NYAP1: variants seen among roughly 807,000 people sequenced by gnomAD.
NYAP1 encodes neuronal tyrosine-phosphorylated phosphoinositide-3-kinase adapter 1.
NYAP1 carries 20 observed loss-of-function variants against 58.6 expected under a neutral mutation model. That is an observed-to-expected ratio of 0.34 (90% confidence interval 0.24 to 0.50). The LOEUF is 0.50. NYAP1 is among the 20% of genes least tolerant of loss of function. NYAP1 has a pLI of 0.98. For synonymous variants in NYAP1, 572 were observed against 523.1 expected, an observed-to-expected ratio of 1.09 and a Z score of -1.27; for missense variants, 1,150 against 1,194.5, an observed-to-expected ratio of 0.96 and a Z score of 0.55.
chr7:100,491,207 C>G (rs1208461917), intron 6 of NYAP1, 112 bp downstream of exon 6: 1 of 709,534 alleles, frequency 1.4e-6, no homozygotes, highest in Non-Finnish European at 2.3e-6. Flanking sequence ...TGCCTGTAAT[C>G]CCAGCACTTT....
At position 100,489,570 on chromosome 7, in the gene NYAP1, G is replaced by A. The variant is rs1224795948; in HGVS notation, c.1849G>A (p.Glu617Lys). 6.2e-7 allele frequency: 1 copy of A among 1,613,298 alleles called. No individual in the cohort carries two copies. The highest frequency in any genetic ancestry group is 2.2e-5 in the East Asian group (1 of 44,872). The change falls in exon 4 of 7, where the codon GAG becomes AAG. Residue 617 changes from glutamate (E) to lysine (K), a missense_variant. Physicochemically the swap from Glu to Lys is moderately conservative, Grantham distance 56 (BLOSUM62 1). Coordinates refer to ENST00000300179, the MANE Select transcript of NYAP1 (RefSeq NM_173564.4). ...CATCGCCAGCGCAGGGACACCAGAG[G>A]AGGAAGAAGAGGAGGTGGGCGCCGC... is the stretch of plus-strand genomic sequence containing the variant. ...HVIASAGTPEEEEEEVGAATF... is the reference protein window; with the variant it reads ...HVIASAGTPEKEEEEVGAATF...
At position 100,484,512 on chromosome 7, in the gene NYAP1, G is replaced by A. The variant is rs561537222; in HGVS notation, c.-85+511G>A. On this transcript the variant is annotated intron_variant, in intron 1 of 6. Coordinates refer to ENST00000300179, the MANE Select transcript of NYAP1 (RefSeq NM_173564.4). ...GGGTGGACCAAGGCCCAGGCCCGGG[G>A]AAGGACTGGAAGTGGGGGAAGGCAG... Among the ~76,000 whole-genome samples, 3 of 152,260 alleles carry A rather than the reference G, an allele frequency of 2.0e-5. No individual in the cohort carries two copies. The South Asian group carries it at 6.2e-4, about 32-fold the overall frequency.
Position 100,493,938 on chromosome 7 carries a change from G to T in NYAP1, c.*35G>T, listed in dbSNP as rs914428858. The T allele has an allele frequency of 3.6e-6, 5 of 1,396,652 alleles. No homozygotes were observed. The highest frequency in any genetic ancestry group is 4.6e-6 in the Non-Finnish European group (5 of 1,076,512). The allele number at this position is 1,396,652 out of a possible 1,614,324, so 86.5% of individuals were successfully genotyped here. The stretch of plus-strand genomic sequence containing the variant: ...GGGGGTACCGGGGCGCCTGGACTGG[G>T]GAGGGGGCGGGCACGCCTGGCTCTC... On this transcript the variant is annotated 3_prime_UTR_variant, in exon 7 of 7. Transcript: ENST00000300179.
intron 6 of NYAP1, among the ~76,000 whole-genome samples, chr7:100,492,483 G>C (rs867339567): frequency 2.2e-4 from 34 of 152,310 alleles, no homozygotes; most frequent in African/African-American, 8.2e-4. Flanking sequence ...TGCAATCCCA[G>C]AACTGTGGGA....
At chr7:100,489,705 TG>T in intron 4 of NYAP1, 39 bp downstream of exon 4, 1 of 124,526 alleles carries the variant, frequency 8.0e-6, no homozygotes. Flanking sequence ...GCATCAGGGG[TG>T]GGGGGCAGCT....
At position 100,489,269 on chromosome 7, in the gene NYAP1, G is replaced by A. The variant is rs1255799374; in HGVS notation, c.1548G>A (p.Gly516=). ...CAGGGAAGACCAGCCCCCACGGTGG[G>A]GCCATGGGCGCAGCAGCTGGGGTCC... ...PVPGKTSPHG[G]AMGAAAGVLH... is the part of the protein sequence containing the mutation. The change falls in exon 4 of 7, where the codon GGG becomes GGA. Residue 516 remains glycine (G), a synonymous_variant. Coordinates refer to ENST00000300179, the MANE Select transcript of NYAP1 (RefSeq NM_173564.4). The A allele has an allele frequency of 6.2e-7, 1 of 1,601,078 alleles. No individual in the cohort carries two copies. Among genetic ancestry groups the A allele is most frequent in the East Asian group, 2.3e-5 (1 of 44,314 alleles).
intron 6 of NYAP1, 118 bp from the exon 7 acceptor site, chr7:100,493,528 G>A (rs1584362115): frequency 1.1e-6 from 1 of 923,788 alleles, no homozygotes; most frequent in Non-Finnish European, 1.6e-6. Context: ...GCCGTTGGGG[G>A]GCAAGCAAGG....
At position 100,489,191 on chromosome 7, in the gene NYAP1, G is replaced by T; in HGVS notation, c.1470G>T (p.Lys490Asn). 1 of 1,610,948 alleles carries T rather than the reference G, an allele frequency of 6.2e-7. No individual in the cohort carries two copies. The highest frequency in any genetic ancestry group is 1.1e-5 in the South Asian group (1 of 90,544). Residue 490 changes from lysine to asparagine, a missense_variant, in exon 4 of 7, where the codon AAG (lysine) becomes AAT (asparagine). By Grantham distance (94) the Lys-to-Asn change is moderately conservative. Transcript: ENST00000300179. ...GTGCTGGGGAGCCAAAGACGGAGAA[G>T]GAGATCTCGGTCCTCCATGGGATGC... ...PLGAGEPKTE[K>N]EISVLHGMLC... is the part of the protein sequence containing the mutation.
At position 100,487,759 on chromosome 7, in the gene NYAP1, G is replaced by A. The variant is rs1221283609; in HGVS notation, c.431-393G>A. On this transcript the variant is annotated intron_variant, in intron 3 of 6. Coordinates refer to ENST00000300179, the MANE Select transcript of NYAP1 (RefSeq NM_173564.4). The surrounding 1 kb of genome is among the most constrained non-coding windows in gnomAD (Gnocchi z 4.1). Reference sequence around the variant, plus strand: ...TGGCCTCAGGTGATCCACCCACCTCGGCCTCCCAGAGTGCTGGGATTACAG... The same window carrying A: ...TGGCCTCAGGTGATCCACCCACCTCAGCCTCCCAGAGTGCTGGGATTACAG... Among the ~76,000 whole-genome samples, 2 of 152,064 alleles carry A rather than the reference G, an allele frequency of 1.3e-5. No individual in the cohort carries two copies. Among genetic ancestry groups the A allele is most frequent in the Non-Finnish European group, 2.9e-5 (2 of 67,990 alleles).
rs1332185368 is a variant in NYAP1, at chr7:100,488,961, G to A, written c.1240G>A (p.Gly414Ser). ...RSHSTPLPPQGSGQPRGEREL... is the reference protein window; with the variant it reads ...RSHSTPLPPQSSGQPRGEREL... ...CCACTCGACACCGTTGCCACCCCAG[G>A]GCTCTGGCCAGCCCCGGGGGGAGCG... The change falls in exon 4 of 7, where the codon GGC becomes AGC. Residue 414 changes from glycine (G) to serine (S), a missense_variant. Coordinates refer to ENST00000300179, the MANE Select transcript of NYAP1 (RefSeq NM_173564.4). The surrounding 1 kb of genome is among the most constrained non-coding windows in gnomAD (Gnocchi z 5.9). The A allele has an allele frequency of 6.4e-6, 10 of 1,574,060 alleles. No individual in the cohort carries two copies. The African/African-American group carries it at 1.1e-4, about 17-fold the overall frequency.
Position 100,490,423 on chromosome 7 carries a change from C to A in NYAP1, c.1946-94C>A. 8.2e-7 allele frequency: 1 copy of A among 1,222,460 alleles called. No homozygotes were observed. Among genetic ancestry groups the A allele is most frequent in the Non-Finnish European group, 1.2e-6 (1 of 849,470 alleles). 75.7% of individuals were successfully genotyped at this position (1,222,460 alleles called of 1,614,324 possible). On this transcript the variant is annotated intron_variant, in intron 4 of 6. Coordinates refer to ENST00000300179, the MANE Select transcript of NYAP1 (RefSeq NM_173564.4). The surrounding 1 kb of genome is among the most constrained non-coding windows in gnomAD (Gnocchi z 4.6). ...TTACTTGCAAAAGGGGCAATTGTGT[C>A]TCCTGGTCCACCCATACTGCAGCAT... is the stretch of plus-strand genomic sequence containing the variant.
chr7:100,486,304 G>A lies in NYAP1; in HGVS notation c.69-517G>A, dbSNP rs1387112194. Among the ~76,000 whole-genome samples, 4 of 152,078 alleles carry A rather than the reference G, an allele frequency of 2.6e-5. No homozygotes were observed. Among genetic ancestry groups the A allele is most frequent in the African/African-American group, 9.7e-5 (4 of 41,412 alleles). On this transcript the variant is annotated intron_variant, in intron 2 of 6. Transcript: ENST00000300179. This position sits in a 1 kb window ranked among gnomAD's most constrained non-coding sequence, Gnocchi z 6.2. ...GAGAACAGCACCAGGGGAGAGGGAGGAAGAAGGATGGGCCAGGGAGGGAGG... is the reference window on the plus strand; with the variant it reads ...GAGAACAGCACCAGGGGAGAGGGAGAAAGAAGGATGGGCCAGGGAGGGAGG...
Position 100,488,938 on chromosome 7 carries a change from A to C in NYAP1, c.1217A>C (p.His406Pro), listed in dbSNP as rs2131067304. The C allele has an allele frequency of 6.4e-7, 1 of 1,570,292 alleles. No individual in the cohort carries two copies. Among genetic ancestry groups the C allele is most frequent in the Non-Finnish European group, 8.6e-7 (1 of 1,165,938 alleles). ...GGACCATCGGGCCGGGCCCGGAGCC[A>C]CTCGACACCGTTGCCACCCCAGGGC... ...LLGPSGRARS[H>P]STPLPPQGSG... Residue 406 changes from histidine to proline, a missense_variant, in exon 4 of 7, where the codon CAC becomes CCC. By Grantham distance (77) the His-to-Pro change is moderately conservative. Coordinates refer to ENST00000300179, the MANE Select transcript of NYAP1 (RefSeq NM_173564.4). This position sits in a 1 kb window ranked among gnomAD's most constrained non-coding sequence, Gnocchi z 5.9.
chr7:100,490,866 C>T lies in NYAP1; in HGVS notation c.2159-120C>T. ...CCTAAATCCTCATACCACATCTCCA[C>T]CCCTTTTTCCCTTCTGATGAGGCAG... On this transcript the variant is annotated intron_variant, in intron 5 of 6. Coordinates refer to ENST00000300179, the MANE Select transcript of NYAP1 (RefSeq NM_173564.4). The surrounding 1 kb of genome is among the most constrained non-coding windows in gnomAD (Gnocchi z 4.6). 1 of 1,057,502 alleles carries T rather than the reference C, an allele frequency of 9.5e-7. No individual in the cohort carries two copies. Among genetic ancestry groups the T allele is most frequent in the South Asian group, 1.6e-5 (1 of 60,858 alleles). 65.5% of individuals were successfully genotyped at this position (1,057,502 alleles called of 1,614,324 possible).
Position 100,488,026 on chromosome 7 carries a change from G to A in NYAP1, c.431-126G>A. 1 of 661,992 alleles carries A rather than the reference G, an allele frequency of 1.5e-6. No individual in the cohort carries two copies. Among genetic ancestry groups the A allele is most frequent in the Non-Finnish European group, 2.6e-6 (1 of 389,964 alleles). 41.0% of individuals were successfully genotyped at this position (661,992 alleles called of 1,614,324 possible). A position where few individuals can be genotyped will look rare whatever the true frequency, so the allele number is the denominator to read the frequency against. ...GAAACCTCCTGGGGCTGTAAGTTGA[G>A]GAATGTGGGGAAAAGGAAGAGGCAG... is the stretch of plus-strand genomic sequence containing the variant. On this transcript the variant is annotated intron_variant, in intron 3 of 6. Coordinates refer to ENST00000300179, the MANE Select transcript of NYAP1 (RefSeq NM_173564.4). The surrounding 1 kb of genome is among the most constrained non-coding windows in gnomAD (Gnocchi z 5.9).
chr7:100,486,765 G>T lies in NYAP1; in HGVS notation c.69-56G>T. On this transcript the variant is annotated intron_variant, in intron 2 of 6. Transcript: ENST00000300179. The surrounding 1 kb of genome is among the most constrained non-coding windows in gnomAD (Gnocchi z 6.2). The stretch of plus-strand genomic sequence containing the variant: ...GCTGACACCTCTTGGGGTGGAGAAG[G>T]GGGATGCCCAGGTCCGAGGCCCTTC... The T allele has an allele frequency of 7.1e-7, 1 of 1,411,610 alleles. No individual in the cohort carries two copies. Among genetic ancestry groups the T allele is most frequent in the South Asian group, 1.6e-5 (1 of 64,138 alleles). The allele number at this position is 1,411,610 out of a possible 1,614,324, so 87.4% of individuals were successfully genotyped here.
chr7:100,493,608 T>A, intron 6 of NYAP1, 38 bp from the exon 7 acceptor site: 1 of 1,529,788 alleles, frequency 6.5e-7, no homozygotes, highest in Non-Finnish European at 8.7e-7. Context: ...GTCCCCGACC[T>A]TACCCGCGTT....
rs1207412371 is a variant in NYAP1, at chr7:100,490,384, C to T, written c.1946-133C>T. 1.4e-5 allele frequency: 11 copies of T among 763,558 alleles called. No individual in the cohort carries two copies. The highest frequency in any genetic ancestry group is 2.7e-5 in the East Asian group (1 of 37,396). 47.3% of individuals were successfully genotyped at this position (763,558 alleles called of 1,614,324 possible). On this transcript the variant is annotated intron_variant, in intron 4 of 6. Transcript: ENST00000300179. This position sits in a 1 kb window ranked among gnomAD's most constrained non-coding sequence, Gnocchi z 4.6. ...TGTATGTTGGGGGAGTGTGAAGGAG[C>T]CCCATCCCAGCCGTTACTTGCAAAA...
Position 100,488,282 on chromosome 7 carries a change from A to AG in NYAP1, c.567dup (p.Asn190GlufsTer9). On this transcript the variant is annotated frameshift_variant, in exon 4 of 7. Transcript: ENST00000300179. LOFTEE classifies it high-confidence loss of function. This position sits in a 1 kb window ranked among gnomAD's most constrained non-coding sequence, Gnocchi z 5.9. ...CCTGCCCCCCAGGCCCCTCTCCTCG[A>AG]GGGGGGAACCTGCCTCTTCAGCGCC... 1 of 1,613,336 alleles carries AG rather than the reference A, an allele frequency of 6.2e-7. No individual in the cohort carries two copies.
Sources: gnomAD v4.1 joint callset for allele counts (sites outside exome capture counted in the v4.1 genomes callset) on GRCh38, gnomAD v4.1.1 for gene constraint, Gnocchi (gnomAD v3.1) non-coding constraint, MANE v1.5 for transcripts, NCBI Gene and HGNC (gene_info 2026-07-23, HGNC 2026-07-21) for gene names.